The following ERI2 variants were observed in gnomAD, a reference collection of about 807,000 sequenced individuals.
ERI2 encodes ERI1 exoribonuclease 2.
ERI2 carries 35 observed loss-of-function variants against 46.8 expected under a neutral mutation model. That is an observed-to-expected ratio of 0.75 (90% CI 0.57 to 0.99). ERI2 has a LOEUF of 0.99. Among genes scored for constraint, ERI2 ranks in the 50% least tolerant of loss-of-function variants. The pLI is 0.00. For synonymous variants in ERI2, 224 were observed against 271.0 expected (o/e 0.83, Z 1.70); for missense variants, 695 against 796.2 (o/e 0.87, Z 1.53).
chr16:20,785,241 G>A (rs978648869), intron 10 of ERI2: 1 of 1,269,666 alleles, frequency 7.9e-7, no homozygotes, highest in African/African-American at 1.5e-5. Context: ...AAAAAACAAT[G>A]CTTGCAAGAA....
chr16:20,801,008 C>A (rs1596550673), intron 5 of ERI2, 195 bp downstream of exon 5: 4 of 417,870 alleles, frequency 9.6e-6, no homozygotes, highest in Middle Eastern at 1.3e-3. Flanking sequence ...TTTAAGGTAT[C>A]CCAAAAGGTT....
downstream of ERI2, among the ~76,000 whole-genome samples, chr16:20,794,202 A>C (rs761827243): frequency 3.3e-5 from 5 of 152,180 alleles, no homozygotes; most frequent in African/African-American, 7.2e-5. Flanking sequence ...CAGGCAGGGT[A>C]ATTGGGTAGC....
intron 6 of ERI2, 53 bp from the exon 7 acceptor site, chr16:20,800,091 T>C: frequency 3.5e-6 from 4 of 1,140,166 alleles, no homozygotes; most frequent in Admixed American, 2.2e-5. Context: ...TTAAAGACTA[T>C]GTATTAAACA....
In ERI2 at chr16:20,799,988, T is replaced by C. The variant is rs767450872; in HGVS notation, c.612A>G (p.Val204=). The C allele has an allele frequency of 5.0e-6, 8 of 1,606,208 alleles. No individual in the cohort carries two copies. In the Admixed American group the frequency reaches 5.0e-5, roughly 10 times the overall value. ...PKGLSGALQE[V]GIEFSGREHS... is the part of the protein sequence containing the mutation. ...GTTCTCGTCCTGAGAATTCTATTCC[T>C]ACTTCCTGCAAGGCACCACTTAGTC... The change falls in exon 7 of 9, where the codon GTA becomes GTG. Residue 204 remains valine (V), a synonymous_variant. Coordinates refer to ENST00000357967, the MANE Select transcript of ERI2 (RefSeq NM_001142725.2).
At chr16:20,785,041 C>A (rs139667199) in intron 10 of ERI2, 1 of 1,613,554 alleles carries the variant, frequency 6.2e-7, no homozygotes, top group African/African-American at 1.3e-5. Flanking sequence ...TTACCCCTGA[C>A]GTGACTGAAA....
At chr16:20,804,935 C>CT (rs1567373548) in intron 1 of ERI2, among the ~76,000 whole-genome samples, 1 of 152,180 alleles carries the variant, frequency 6.6e-6, no homozygotes, top group Non-Finnish European at 1.5e-5. Flanking sequence ...TAGCTAGAAA[C>CT]TTTTCCTACC....
At chr16:20,803,333 T>G in intron 3 of ERI2, 100 bp downstream of exon 3, 1 of 1,359,496 alleles carries the variant, frequency 7.4e-7, no homozygotes, top group Non-Finnish European at 9.9e-7. Flanking sequence ...TACCAATGCA[T>G]AGACCATCCT....
At chr16:20,781,559 C>A in intron 10 of ERI2, 1 of 712,198 alleles carries the variant, frequency 1.4e-6, no homozygotes, top group South Asian at 1.6e-5. Flanking sequence ...ACCAATCCTG[C>A]AGACACTGAG....
chr16:20,791,943 T>A (rs1275645443), downstream of ERI2: 20 of 1,535,062 alleles, frequency 1.3e-5, no homozygotes, highest in African/African-American at 7.0e-5. Flanking sequence ...AAAAAAAAAA[T>A]TCCAATTGAC....
chr16:20,796,245 A>C (rs552127145), downstream of ERI2: 2 of 1,447,558 alleles, frequency 1.4e-6, no homozygotes, highest in East Asian at 4.9e-5. Flanking sequence ...AGCTGGGATC[A>C]AACTTTATTA....
chr16:20,799,337 G>A lies in ERI2; in HGVS notation c.658C>T (p.Arg220Trp), dbSNP rs368462859. Residue 220 changes from arginine to tryptophan, a missense_variant, in exon 8 of 9, where the codon CGG becomes TGG. Coordinates refer to ENST00000357967, the MANE Select transcript of ERI2 (RefSeq NM_001142725.2). ...GREHSGLDDS[R>W]NTALLAWKMI... The stretch of plus-strand genomic sequence containing the variant: ...TTCCAAGCAAGAAGGGCAGTATTCC[G>A]AGAATCGTCCAACCCTGAGGATACA... 79 of 1,613,536 alleles carry A rather than the reference G, an allele frequency of 4.9e-5. No homozygotes were observed. In the South Asian group the frequency reaches 5.9e-4, roughly 12 times the overall value.
chr16:20,801,202 C>G lies in ERI2; in HGVS notation c.460+1G>C. 1 of 1,607,316 alleles carries G rather than the reference C, an allele frequency of 6.2e-7. No individual in the cohort carries two copies. Among genetic ancestry groups the G allele is most frequent in the East Asian group, 2.2e-5 (1 of 44,584 alleles). On this transcript the variant is annotated splice_donor_variant, in intron 5 of 8. Transcript: ENST00000357967. LOFTEE classifies it high-confidence loss of function. ...ATTAATAGGTATAACTTATTCTTTA[C>G]CTGACCAAGTAACAAATGCACATAA... is the stretch of plus-strand genomic sequence containing the variant.
chr16:20,802,909 C>A lies in ERI2; in HGVS notation c.190G>T (p.Val64Leu). 1 of 1,586,302 alleles carries A rather than the reference C, an allele frequency of 6.3e-7. No individual in the cohort carries two copies. Among genetic ancestry groups the A allele is most frequent in the Non-Finnish European group, 8.6e-7 (1 of 1,162,222 alleles). The change falls in exon 4 of 9, where the codon GTG becomes TTG. Residue 64 changes from valine to leucine, a missense_variant. Coordinates refer to ENST00000357967, the MANE Select transcript of ERI2 (RefSeq NM_001142725.2). ...TGTCCAGTTGATGTGTTCAGCAACACTGCTGGAAACTCAACTAAATGAAAG... is the reference window on the plus strand; with the variant it reads ...TGTCCAGTTGATGTGTTCAGCAACAATGCTGGAAACTCAACTAAATGAAAG... ...HSQEIIEFPA[V>L]LLNTSTGQID... is the part of the protein sequence containing the mutation.
intron 10 of ERI2, chr16:20,781,274 A>G (rs535173707): frequency 1.9e-6 from 2 of 1,041,280 alleles, no homozygotes; most frequent in East Asian, 2.5e-5. Context: ...ATAAGCCTGA[A>G]AAGATACACT....
intron 10 of ERI2, among the ~76,000 whole-genome samples, chr16:20,789,134 A>G (rs1392616934): frequency 1.3e-5 from 2 of 152,186 alleles, no homozygotes; most frequent in Non-Finnish European, 2.9e-5. Context: ...AGAAATGCTA[A>G]TCTGATTTTT....
chr16:20,798,413 C>A lies in ERI2; in HGVS notation c.1387G>T (p.Glu463Ter), dbSNP rs1407259348. 1 of 1,550,388 alleles carries A rather than the reference C, an allele frequency of 6.4e-7. No homozygotes were observed. Among genetic ancestry groups the A allele is most frequent in the South Asian group, 1.2e-5 (1 of 83,818 alleles). ...SSHENFGDIE[E>*]TPQKSETSKS... ...GAAGTCTCAGATTTTTGAGGAGTTT[C>A]CTCTATGTCTCCAAAGTTTTCATGA... Residue 463 changes from glutamate to a stop codon, truncating the protein, a stop_gained, in exon 9 of 9, where the codon GAA becomes TAA. Transcript: ENST00000357967. LOFTEE classifies it high-confidence loss of function.
chr16:20,797,311 G>C lies in ERI2; in HGVS notation c.*413C>G. ...AGTTGACTAATTCTTCTGATATGTT[G>C]ATATACAAATCAGAACCAATGTTCA... On this transcript the variant is annotated 3_prime_UTR_variant, in exon 9 of 9. Coordinates refer to ENST00000357967, the MANE Select transcript of ERI2 (RefSeq NM_001142725.2). 1 of 1,024,176 alleles carries C rather than the reference G, an allele frequency of 9.8e-7. No individual in the cohort carries two copies. The highest frequency in any genetic ancestry group is 1.2e-6 in the Non-Finnish European group (1 of 857,044). The allele number at this position is 1,024,176 out of a possible 1,614,324, so 63.4% of individuals were successfully genotyped here. A position where few individuals can be genotyped will look rare whatever the true frequency, so the allele number is the denominator to read the frequency against.
intron 10 of ERI2, among the ~76,000 whole-genome samples, chr16:20,785,482 G>C (rs1358949139): frequency 6.6e-6 from 1 of 152,078 alleles, no homozygotes; most frequent in Non-Finnish European, 1.5e-5. Flanking sequence ...TTAAGAGTTT[G>C]CTGGACAACT....
Position 20,806,422 on chromosome 16 carries a change from G to C in ERI2, c.9C>G (p.Thr3=), listed in dbSNP as rs867551894. 4 of 1,553,108 alleles carry C rather than the reference G, an allele frequency of 2.6e-6. No individual in the cohort carries two copies. Among genetic ancestry groups the C allele is most frequent in the Non-Finnish European group, 2.6e-6 (3 of 1,148,184 alleles). MA[T]KRLARQLGLI... is the part of the protein sequence containing the mutation. ...CCCTCGAGTACCGCGCGAGCCGCTT[G>C]GTCGCCATTCCCGACACTCCTTGCT... The change falls in exon 1 of 9, where the codon ACC becomes ACG. Residue 3 remains threonine (T), a synonymous_variant. Transcript: ENST00000357967.
Sources: allele counts gnomAD v4.1 joint callset (sites outside exome capture counted in the v4.1 genomes callset), GRCh38; gene constraint gnomAD v4.1.1; transcripts MANE v1.5; gene names NCBI Gene and HGNC (gene_info 2026-07-23, HGNC 2026-07-21).